Variants in NRG3 observed in about 807,000 individuals in gnomAD.
The protein encoded by NRG3 is neuregulin 3.
In NRG3, 31 loss-of-function variants were observed where a neutral mutation model predicts 66.9. The ratio of observed to expected loss-of-function variants is 0.46; its 90% CI spans 0.35 to 0.63. The LOEUF (loss-of-function observed/expected upper bound fraction) is 0.63, where lower values mean the gene tolerates loss of function less well. Ranked by LOEUF, NRG3 falls within the 20% of genes least tolerant of loss-of-function variation. The pLI is 0.00. For missense variants in NRG3, 910 were observed against 878.9 expected (o/e 1.04, Z -0.45); for synonymous variants, 393 against 359.4 (o/e 1.09, Z -1.06).
At chr10:82,932,454 T>C (rs547651281) in intron 4 of NRG3, among the ~76,000 whole-genome samples, 3 of 152,344 alleles carry the variant, frequency 2.0e-5, no homozygotes, top group Admixed American at 1.3e-4. Context: ...GAATGTTCTC[T>C]TAATTTGGGC....
intron 2 of NRG3, among the ~76,000 whole-genome samples, chr10:82,417,251 G>GGTGAA (rs1278237602): frequency 6.6e-6 from 1 of 152,154 alleles, no homozygotes; most frequent in Non-Finnish European, 1.5e-5. Flanking sequence ...CATGCCCAGA[G>GGTGAA]GTGAACATGG....
chr10:81,980,889 T>C lies in NRG3; in HGVS notation c.823+104726T>C, dbSNP rs922426434. 2.6e-5 allele frequency among the ~76,000 whole-genome samples: 4 copies of C among 152,318 alleles called. No homozygotes were observed. In the East Asian group the frequency reaches 7.7e-4, roughly 29 times the overall value. On this transcript the variant is annotated intron_variant, in intron 1 of 8. Coordinates refer to ENST00000372141, the MANE Select transcript of NRG3 (RefSeq NM_001010848.4). The stretch of plus-strand genomic sequence containing the variant: ...TCTCTGGCATGTTTTTGTGTGTCCA[T>C]ATTTCTTATAAAGACATTAGTCTCA...
chr10:82,259,078 C>T (rs1589499123), intron 1 of NRG3, among the ~76,000 whole-genome samples: 1 of 152,110 alleles, frequency 6.6e-6, no homozygotes, highest in Non-Finnish European at 1.5e-5. Context: ...CAGACCTATT[C>T]TGTGGCCTTA....
intron 2 of NRG3, among the ~76,000 whole-genome samples, chr10:82,593,860 CTTTG>C (rs1258067336): frequency 2.0e-5 from 3 of 150,716 alleles, no homozygotes; most frequent in African/African-American, 2.4e-5. Context: ...ATATATAGTT[CTTTG>C]TTTATTTTTA....
chr10:82,021,074 C>T (rs2062036537), intron 1 of NRG3, among the ~76,000 whole-genome samples: 2 of 152,022 alleles, frequency 1.3e-5, no homozygotes, highest in Non-Finnish European at 2.9e-5. Context: ...ATTTAGGACA[C>T]AGACCAATGC....
chr10:82,736,248 A>T (rs371827958), intron 2 of NRG3, among the ~76,000 whole-genome samples: 95 of 152,336 alleles, frequency 6.2e-4, no homozygotes, highest in African/African-American at 2.3e-3. Flanking sequence ...ATGCACTAGA[A>T]GTGCATTGAA....
intron 6 of NRG3, among the ~76,000 whole-genome samples, chr10:82,965,206 A>T (rs917023982): frequency 1.3e-5 from 2 of 152,224 alleles, no homozygotes; most frequent in African/African-American, 4.8e-5. Context: ...TTTGTATATT[A>T]TACCAAATGA....
chr10:82,134,668 A>G (rs2069190029), intron 1 of NRG3, among the ~76,000 whole-genome samples: 1 of 151,976 alleles, frequency 6.6e-6, no homozygotes, highest in Admixed American at 6.6e-5. Context: ...GTAGCCCTGT[A>G]GTATAGTTTG....
At chr10:82,247,430 TA>T (rs1300564857) in intron 1 of NRG3, among the ~76,000 whole-genome samples, 1 of 152,082 alleles carries the variant, frequency 6.6e-6, no homozygotes, top group Non-Finnish European at 1.5e-5. Flanking sequence ...GTTCCTTTTA[TA>T]AAGGCTCTAA....
chr10:82,088,973 T>C (rs1193696198), intron 1 of NRG3, among the ~76,000 whole-genome samples: 3 of 152,006 alleles, frequency 2.0e-5, no homozygotes, highest in African/African-American at 7.3e-5. Context: ...GGTGCTCAAC[T>C]TAAAAACCAG....
chr10:82,390,088 G>T (rs540551041), intron 2 of NRG3, among the ~76,000 whole-genome samples: 1 of 152,024 alleles, frequency 6.6e-6, no homozygotes, highest in Non-Finnish European at 1.5e-5. Flanking sequence ...ACCTCAATGC[G>T]TTTTTATGGG....
chr10:82,315,963 A>G (rs2081273370), intron 1 of NRG3, among the ~76,000 whole-genome samples: 1 of 151,928 alleles, frequency 6.6e-6, no homozygotes, highest in Non-Finnish European at 1.5e-5. Flanking sequence ...TGTGATTTTT[A>G]CCATTTGTCC....
intron 1 of NRG3, among the ~76,000 whole-genome samples, chr10:82,174,624 A>G (rs1165018266): frequency 6.6e-6 from 1 of 152,080 alleles, no homozygotes; most frequent in Non-Finnish European, 1.5e-5. Flanking sequence ...TTAGTACTGT[A>G]CTTAATTTTT....
At chr10:82,814,942 G>T (rs1224099619) in intron 3 of NRG3, among the ~76,000 whole-genome samples, 1 of 152,118 alleles carries the variant, frequency 6.6e-6, no homozygotes, top group Non-Finnish European at 1.5e-5. Context: ...AGTACAGAAA[G>T]TTTGCATAGA....
chr10:82,257,941 A>G (rs1488437711), intron 1 of NRG3, among the ~76,000 whole-genome samples: 3 of 152,154 alleles, frequency 2.0e-5, no homozygotes, highest in Non-Finnish European at 4.4e-5. Context: ...AGGGCCTTAC[A>G]TGAGTGGATA....
intron 2 of NRG3, among the ~76,000 whole-genome samples, chr10:82,675,515 G>C (rs935572056): frequency 6.6e-6 from 1 of 152,102 alleles, no homozygotes; most frequent in South Asian, 2.1e-4. Context: ...AGGGGTAATC[G>C]GGGAAGTTAG....
chr10:82,901,531 C>T (rs1168574896), intron 4 of NRG3, among the ~76,000 whole-genome samples: 2 of 152,194 alleles, frequency 1.3e-5, no homozygotes, highest in African/African-American at 4.8e-5. Flanking sequence ...GTACTGCTCT[C>T]TGCAGGATGA....
intron 2 of NRG3, among the ~76,000 whole-genome samples, chr10:82,531,375 A>AT (rs2132646441): frequency 6.6e-6 from 1 of 151,832 alleles, no homozygotes; most frequent in African/African-American, 2.4e-5. Context: ...CGATGATGTT[A>AT]TTTTTTACAT....
chr10:82,124,615 T>C (rs1335946707), intron 1 of NRG3, among the ~76,000 whole-genome samples: 1 of 151,356 alleles, frequency 6.6e-6, no homozygotes, highest in East Asian at 2.0e-4. Context: ...ACCTAATGCA[T>C]GAGGGGCTTA....
Sources: allele counts gnomAD v4.1 joint callset (sites outside exome capture counted in the v4.1 genomes callset), GRCh38; gene constraint gnomAD v4.1.1; transcripts MANE v1.5; gene names NCBI Gene and HGNC (gene_info 2026-07-23, HGNC 2026-07-21).